The following IFT140 variants were observed in gnomAD, a reference collection of about 807,000 sequenced individuals.
The protein encoded by IFT140 is intraflagellar transport protein 140 homolog.
A neutral mutation model predicts 164.6 loss-of-function variants in IFT140; 133 were observed. That is an observed-to-expected ratio of 0.81 (90% CI 0.70 to 0.93). The LOEUF (loss-of-function observed/expected upper bound fraction) is 0.93, where lower values mean the gene tolerates loss of function less well. IFT140 is among the 40% of genes least tolerant of loss of function. The pLI is 0.00. For missense variants in IFT140, 2,045 were observed against 1,972.3 expected (o/e 1.04, Z -0.70); for synonymous variants, 860 against 817.3 (o/e 1.05, Z -0.89).
chr16:1,580,487 C>T (rs561106257), intron 13 of IFT140: 28 of 333,582 alleles, frequency 8.4e-5, no homozygotes, highest in Non-Finnish European at 5.0e-5. Context: ...CCTCCTGCTC[C>T]GGCTATGTAG....
At chr16:1,607,935 A>C (rs927072085) in intron 2 of IFT140, among the ~76,000 whole-genome samples, 1 of 152,234 alleles carries the variant, frequency 6.6e-6, no homozygotes, top group African/African-American at 2.4e-5. Flanking sequence ...GTGGGCCACC[A>C]CTGCCTTTTA....
At chr16:1,590,450 C>G (rs2035120377) in intron 6 of IFT140, among the ~76,000 whole-genome samples, 1 of 152,162 alleles carries the variant, frequency 6.6e-6, no homozygotes, top group Non-Finnish European at 1.5e-5. Flanking sequence ...CCACTACTCC[C>G]TGTCCTTTCT....
At chr16:1,513,823 A>G (rs370018354) in intron 30 of IFT140, among the ~76,000 whole-genome samples, 2,556 of 148,660 alleles carry the variant, frequency 0.017, 58 homozygotes, top group African/African-American at 0.049. Flanking sequence ...ACAGGCGCCC[A>G]CCACCACACC....
At chr16:1,550,411 C>T (rs1252056008) in intron 19 of IFT140, among the ~76,000 whole-genome samples, 5 of 152,254 alleles carry the variant, frequency 3.3e-5, no homozygotes, top group Admixed American at 2.0e-4. Context: ...AAAGCTATGA[C>T]ACTGATCTTA....
intron 13 of IFT140, among the ~76,000 whole-genome samples, chr16:1,573,263 G>T (rs533592837): frequency 1.3e-5 from 2 of 152,292 alleles, no homozygotes; most frequent in African/African-American, 4.8e-5. Context: ...CGGACTAGCT[G>T]ATGGGGCCAG....
At chr16:1,542,383 T>C (rs138017888) in intron 19 of IFT140, among the ~76,000 whole-genome samples, 13 of 152,366 alleles carry the variant, frequency 8.5e-5, no homozygotes, top group African/African-American at 2.6e-4. Flanking sequence ...TGGGGTCTGA[T>C]TGCTGACTGG....
At position 1,533,950 on chromosome 16, in the gene IFT140, G is replaced by A. The variant is rs2030781489; in HGVS notation, c.2400-7154C>T. ...CTGCTGCAGGCGAGAAGAGGCACGCGCGGCACAGGCCGGCCTCCGCTTCCC... is the reference window on the plus strand; with the variant it reads ...CTGCTGCAGGCGAGAAGAGGCACGCACGGCACAGGCCGGCCTCCGCTTCCC... On this transcript the variant is annotated intron_variant, in intron 19 of 30. Transcript: ENST00000426508. This position sits in a 1 kb window ranked among gnomAD's most constrained non-coding sequence, Gnocchi z 4.7. The A allele has an allele frequency of 5.1e-6, 2 of 393,982 alleles. No homozygotes were observed. The highest frequency in any genetic ancestry group is 3.2e-5 in the South Asian group (1 of 31,268). The allele number at this position is 393,982 out of a possible 1,614,324, so 24.4% of individuals were successfully genotyped here.
In IFT140 at chr16:1,607,202, C is replaced by T. The variant is rs1305061116; in HGVS notation, c.65G>A (p.Ser22Asn). The change falls in exon 3 of 31, where the codon AGC becomes AAC. Residue 22 changes from serine to asparagine, a missense_variant. Coordinates refer to ENST00000426508, the MANE Select transcript of IFT140 (RefSeq NM_014714.4). ...PDAAGSPSFI[S>N]WHPVHPFLAV... Reference sequence around the variant, plus strand: ...CAAGAATGGATGGACAGGGTGCCAGCTGATAAATGAGGGTGACCCTGCTGC... The same window carrying T: ...CAAGAATGGATGGACAGGGTGCCAGTTGATAAATGAGGGTGACCCTGCTGC... 1.2e-6 allele frequency: 2 copies of T among 1,614,000 alleles called. No individual in the cohort carries two copies. Among genetic ancestry groups the T allele is most frequent in the Middle Eastern group, 1.6e-4 (1 of 6,084 alleles).
Position 1,524,728 on chromosome 16 carries a change from G to A in IFT140, c.2998-33C>T, listed in dbSNP as rs1054312904. 1.1e-5 allele frequency: 18 copies of A among 1,581,366 alleles called. 1 individual carries two copies. Among genetic ancestry groups the A allele is most frequent in the African/African-American group, 2.7e-5 (2 of 74,232 alleles). On this transcript the variant is annotated intron_variant, in intron 23 of 30. Transcript: ENST00000426508. ...GACAAAGAACCCAAAGACGAGACACGGTGGCCTTGTGTCTGCCTCGTGTCC... is the reference window on the plus strand; with the variant it reads ...GACAAAGAACCCAAAGACGAGACACAGTGGCCTTGTGTCTGCCTCGTGTCC...
intron 19 of IFT140, among the ~76,000 whole-genome samples, chr16:1,535,719 C>T (rs966563722): frequency 8.5e-5 from 13 of 152,362 alleles, no homozygotes; most frequent in African/African-American, 1.9e-4. Flanking sequence ...CAAGGTCCCA[C>T]GAGGGAATTC....
intron 18 of IFT140, 90 bp from the exon 19 acceptor site, chr16:1,558,224 T>G (rs2033212958): frequency 1.6e-6 from 2 of 1,273,726 alleles, no homozygotes; most frequent in South Asian, 1.2e-5. Context: ...AGCTCCCTTA[T>G]GGGGGAGAAA....
chr16:1,524,167 G>A (rs1192470829), intron 24 of IFT140: 1 of 673,044 alleles, frequency 1.5e-6, no homozygotes, highest in Non-Finnish European at 2.5e-6. Context: ...ACAGAGCACT[G>A]CAAGAAATAC....
intron 2 of IFT140, among the ~76,000 whole-genome samples, chr16:1,609,431 C>T (rs1295833916): frequency 6.6e-6 from 1 of 152,160 alleles, no homozygotes; most frequent in Non-Finnish European, 1.5e-5. Context: ...CCAGTGTCCC[C>T]ACACAACGTT....
chr16:1,566,171 C>T lies in IFT140; in HGVS notation c.1891G>A (p.Glu631Lys), dbSNP rs777613696. ...RRETLSFNEQ[E>K]TNKSHLFVDE... ...GAACCACAATCTTACTTATTAGTCT[C>T]TTGCTCATTAAAGGACAGCGTCTCT... Residue 631 changes from glutamate (E) to lysine (K), a missense_variant, in exon 16 of 31, where the codon GAG (glutamate) becomes AAG (lysine). Glu to Lys is a moderately conservative substitution (Grantham distance 56). Transcript: ENST00000426508. The T allele has an allele frequency of 6.2e-7, 1 of 1,613,560 alleles. No homozygotes were observed. The highest frequency in any genetic ancestry group is 2.2e-5 in the East Asian group (1 of 44,886).
At chr16:1,569,492 C>T (rs972175377) in intron 14 of IFT140, among the ~76,000 whole-genome samples, 1 of 139,824 alleles carries the variant, frequency 7.2e-6, no homozygotes, top group Non-Finnish European at 1.5e-5. Context: ...TTTCCCTCCT[C>T]CCTCCCTCCC....
intron 17 of IFT140, among the ~76,000 whole-genome samples, chr16:1,563,795 A>C (rs763317564): frequency 2.0e-5 from 3 of 151,942 alleles, no homozygotes; most frequent in African/African-American, 4.8e-5. Context: ...AATTCTTATT[A>C]TTATTCTTTT....
chr16:1,516,174 A>C (rs199998430), intron 30 of IFT140, among the ~76,000 whole-genome samples: 2 of 139,122 alleles, frequency 1.4e-5, no homozygotes, highest in African/African-American at 5.6e-5. Context: ...AAAAAAAAAA[A>C]AAAACACCAG....
At chr16:1,597,729 G>A (rs1046365506) in intron 4 of IFT140, among the ~76,000 whole-genome samples, 4 of 152,154 alleles carry the variant, frequency 2.6e-5, no homozygotes, top group Non-Finnish European at 5.9e-5. Flanking sequence ...CACAAGACTT[G>A]ATCAACTGAT....
intron 19 of IFT140, among the ~76,000 whole-genome samples, chr16:1,548,812 C>T (rs768449298): frequency 1.3e-5 from 2 of 152,344 alleles, no homozygotes; most frequent in Non-Finnish European, 2.9e-5. Context: ...CACCTTCTTA[C>T]GCGCGTCTGG....
Sources: gnomAD v4.1 joint callset for allele counts (sites outside exome capture counted in the v4.1 genomes callset) on GRCh38, gnomAD v4.1.1 for gene constraint, Gnocchi (gnomAD v3.1) non-coding constraint, MANE v1.5 for transcripts, NCBI Gene and HGNC (gene_info 2026-07-23, HGNC 2026-07-21) for gene names.